LARGE1: variants seen among roughly 807,000 people sequenced by gnomAD.
LARGE1 encodes LARGE xylosyl- and glucuronyltransferase 1.
Under a neutral mutation model 87.6 loss-of-function variants are expected in LARGE1, and 43 were observed. That is an observed-to-expected ratio of 0.49 (90% CI 0.38 to 0.63). The LOEUF (loss-of-function observed/expected upper bound fraction) is 0.63, where lower values mean the gene tolerates loss of function less well. Ranked by LOEUF, LARGE1 falls within the 30% of genes least tolerant of loss-of-function variation. The pLI, the probability that LARGE1 is intolerant of heterozygous loss-of-function variation, is 0.00. For synonymous variants in LARGE1, 434 were observed against 394.6 expected, an observed-to-expected ratio of 1.10 and a Z score of -1.18; for missense variants, 802 against 1,000.2, an observed-to-expected ratio of 0.80 and a Z score of 2.67.
chr22:33,649,698 C>A (rs911355867), intron 3 of LARGE1, among the ~76,000 whole-genome samples: 2 of 152,156 alleles, frequency 1.3e-5, no homozygotes, highest in Admixed American at 1.3e-4. Context: ...TAGGCATGCC[C>A]TAATTCATCT....
intron 11 of LARGE1, among the ~76,000 whole-genome samples, chr22:33,214,585 C>G: frequency 6.6e-6 from 1 of 152,094 alleles, no homozygotes. Flanking sequence ...AAGGAATCTC[C>G]TGGCCCTTTA....
chr22:33,755,731 G>A (rs936929847), intron 2 of LARGE1, among the ~76,000 whole-genome samples: 6 of 152,240 alleles, frequency 3.9e-5, no homozygotes, highest in East Asian at 1.9e-4. Context: ...CCCTACCAGC[G>A]GTTCCTGTGT....
chr22:33,561,488 A>G (rs1015366185), intron 6 of LARGE1, among the ~76,000 whole-genome samples: 1 of 152,172 alleles, frequency 6.6e-6, no homozygotes. Flanking sequence ...AGCATACCAT[A>G]CCCATGTCCA....
At chr22:33,188,717 C>T (rs2146186476) in intron 11 of LARGE1, among the ~76,000 whole-genome samples, 1 of 152,278 alleles carries the variant, frequency 6.6e-6, no homozygotes. Context: ...GGAGGAGTTG[C>T]CAGTCTCATT....
downstream of LARGE1, among the ~76,000 whole-genome samples, chr22:33,271,487 A>G (rs1162438071): frequency 6.6e-6 from 1 of 152,206 alleles, no homozygotes; most frequent in East Asian, 1.9e-4. Context: ...AAAACATCTC[A>G]GTTCCCCTCC....
intron 6 of LARGE1, among the ~76,000 whole-genome samples, chr22:33,507,995 T>G (rs577726563): frequency 6.6e-6 from 1 of 152,324 alleles, no homozygotes; most frequent in African/African-American, 2.4e-5. Flanking sequence ...CCTAATTTTA[T>G]ACCTTTGGGT....
At chr22:33,598,878 G>T (rs7511219) in intron 5 of LARGE1, among the ~76,000 whole-genome samples, 12,946 of 152,162 alleles carry the variant, frequency 0.085, 680 homozygotes, top group African/African-American at 0.14. Context: ...TAATCCTTTG[G>T]GTATATACTC....
chr22:33,816,668 A>C (rs2086657128), intron 1 of LARGE1, among the ~76,000 whole-genome samples: 1 of 81,934 alleles, frequency 1.2e-5, no homozygotes, highest in Non-Finnish European at 2.5e-5. Flanking sequence ...GGATGCACGG[A>C]TGGATGGATA....
At chr22:33,618,581 C>G (rs763304849) in intron 4 of LARGE1, among the ~76,000 whole-genome samples, 1 of 152,216 alleles carries the variant, frequency 6.6e-6, no homozygotes. Context: ...AAAGATATCA[C>G]GTGCCTATGC....
intron 1 of LARGE1, among the ~76,000 whole-genome samples, chr22:33,764,523 C>G (rs2283943): frequency 6.6e-6 from 1 of 151,894 alleles, no homozygotes; most frequent in Non-Finnish European, 1.5e-5. Flanking sequence ...TTTGGGAGGC[C>G]GAGGTGGGCA....
At chr22:33,461,162 T>C (rs1217449705) in intron 6 of LARGE1, among the ~76,000 whole-genome samples, 3 of 152,216 alleles carry the variant, frequency 2.0e-5, no homozygotes, top group Non-Finnish European at 4.4e-5. Context: ...CAAGAAATAA[T>C]AGGAAGTAGG....
intron 4 of LARGE1, among the ~76,000 whole-genome samples, chr22:33,624,838 AG>A (rs1331255281): frequency 6.6e-6 from 1 of 152,174 alleles, no homozygotes; most frequent in African/African-American, 2.4e-5. Flanking sequence ...TGAAGGTGAG[AG>A]GATAGGTGGC....
At chr22:33,852,856 C>CAAAAAAAAAAAAAAA (rs869260793) in intron 1 of LARGE1, among the ~76,000 whole-genome samples, 6 of 65,998 alleles carry the variant, frequency 9.1e-5, no homozygotes, top group African/African-American at 2.7e-4. Context: ...ACTCCGTCTC[C>CAAAAAAAAAAAAAAA]AAAAAAAAAA....
At chr22:33,440,428 A>G (rs1427962007) in intron 6 of LARGE1, among the ~76,000 whole-genome samples, 2 of 152,204 alleles carry the variant, frequency 1.3e-5, no homozygotes, top group Non-Finnish European at 2.9e-5. Context: ...GAAGTCTGCC[A>G]ATCACTGCTG....
intron 5 of LARGE1, among the ~76,000 whole-genome samples, chr22:33,569,738 AGG>A (rs2078138100): frequency 1.3e-5 from 2 of 152,040 alleles, no homozygotes; most frequent in Non-Finnish European, 2.9e-5. Flanking sequence ...AGGCTGGATT[AGG>A]GGCTCCCAAA....
intron 9 of LARGE1, among the ~76,000 whole-genome samples, chr22:33,340,010 A>G (rs898993771): frequency 1.3e-5 from 2 of 148,796 alleles, no homozygotes; most frequent in African/African-American, 5.2e-5. Flanking sequence ...AAAGCACCTT[A>G]ATTTATTATT....
intron 3 of LARGE1, among the ~76,000 whole-genome samples, chr22:33,634,655 T>C (rs539025030): frequency 6.6e-4 from 99 of 150,410 alleles, no homozygotes; most frequent in Non-Finnish European, 1.1e-3. Flanking sequence ...TATAGGCTTC[T>C]ACTGCAAAAA....
intron 2 of LARGE1, among the ~76,000 whole-genome samples, chr22:33,684,050 C>A (rs1220896224): frequency 6.6e-6 from 1 of 152,100 alleles, no homozygotes; most frequent in African/African-American, 2.4e-5. Flanking sequence ...GAGAGTAAAC[C>A]ATTCTGAGAT....
intron 1 of LARGE1, among the ~76,000 whole-genome samples, chr22:33,786,034 G>T (rs1180374226): frequency 6.6e-6 from 1 of 152,136 alleles, no homozygotes; most frequent in Non-Finnish European, 1.5e-5. Context: ...TGGAGGCCAA[G>T]TCTGACAGCA....
Sources: allele counts gnomAD v4.1 joint callset (sites outside exome capture counted in the v4.1 genomes callset), GRCh38; gene constraint gnomAD v4.1.1; transcripts MANE v1.5; gene names NCBI Gene and HGNC (gene_info 2026-07-23, HGNC 2026-07-21).